Variants in AKT3 observed in about 807,000 individuals in gnomAD.
AKT3 encodes RAC-gamma serine/threonine-protein kinase.
AKT3 carries 15 observed loss-of-function variants against 65.3 expected under a neutral mutation model. The ratio of observed to expected loss-of-function variants is 0.23; its 90% CI spans 0.15 to 0.35. AKT3 has a LOEUF of 0.35. Ranked by LOEUF, AKT3 falls within the 10% of genes least tolerant of loss-of-function variation. The pLI is 1.00. For missense variants in AKT3, 243 were observed against 576.5 expected (o/e 0.42, Z 5.92); for synonymous variants, 206 against 183.8 (o/e 1.12, Z -0.98).
intron 12 of AKT3, among the ~76,000 whole-genome samples, chr1:243,525,106 C>T (rs1245929762): frequency 2.6e-5 from 4 of 152,142 alleles, no homozygotes. Flanking sequence ...CCTAAAATCT[C>T]AGTATAAAGT....
At chr1:243,563,978 T>A (rs1468285454) in intron 9 of AKT3, 130 bp from the exon 10 acceptor site, 1 of 749,718 alleles carries the variant, frequency 1.3e-6, no homozygotes, top group Non-Finnish European at 2.0e-6. Context: ...AATAGAACGC[T>A]CAGTACTTAC....
chr1:243,833,019 G>A lies in AKT3; in HGVS notation c.46+10106C>T, dbSNP rs1428420386. 2.0e-5 allele frequency among the ~76,000 whole-genome samples: 3 copies of A among 152,086 alleles called. No individual in the cohort carries two copies. The East Asian group carries it at 5.8e-4, about 29-fold the overall frequency. On this transcript the variant is annotated intron_variant, in intron 2 of 13. Transcript: ENST00000673466. ...TCACACCTGTAAATCCAGCACTTTG[G>A]GAGGCTGAGATGGCTGGATCACCTG...
At chr1:243,568,804 T>C (rs191475614) in intron 9 of AKT3, among the ~76,000 whole-genome samples, 1 of 152,326 alleles carries the variant, frequency 6.6e-6, no homozygotes, top group East Asian at 1.9e-4. Context: ...CTCACTGGCC[T>C]GGAAGCTTCT....
intron 2 of AKT3, among the ~76,000 whole-genome samples, chr1:243,713,146 G>A (rs1026320814): frequency 6.6e-6 from 1 of 152,140 alleles, no homozygotes; most frequent in Non-Finnish European, 1.5e-5. Context: ...GTGTTAAAAC[G>A]TTCATGTATG....
At position 243,762,864 on chromosome 1, in the gene AKT3, T is replaced by A. The variant is rs1164630451; in HGVS notation, c.47-67148A>T. ...TCTGATATCTGTCATTTACTTACTT[T>A]ATGACATAAAGACAGACTTATCTGA... On this transcript the variant is annotated intron_variant, in intron 2 of 13. Transcript: ENST00000673466. 2.0e-5 allele frequency among the ~76,000 whole-genome samples: 3 copies of A among 152,178 alleles called. No homozygotes were observed. In the East Asian group the frequency reaches 5.8e-4, roughly 29 times the overall value.
At chr1:243,525,674 A>C (rs1239558105) in intron 12 of AKT3, among the ~76,000 whole-genome samples, 4 of 142,210 alleles carry the variant, frequency 2.8e-5, no homozygotes, top group Non-Finnish European at 6.0e-5. Context: ...TAAACTTGAT[A>C]TACCAGCAGA....
intron 1 of AKT3, among the ~76,000 whole-genome samples, chr1:243,848,231 TGTAAACTTTCAAGTACTATCTCCTTG>T (rs1433826835): frequency 6.6e-6 from 1 of 152,158 alleles, no homozygotes; most frequent in African/African-American, 2.4e-5. Context: ...ACCATCTCCC[TGTAAACTTTCAAGTACTATCTCCTTG>T]GTAAACTTTC....
At chr1:243,533,448 G>C (rs115189478) in intron 12 of AKT3, among the ~76,000 whole-genome samples, 1 of 152,142 alleles carries the variant, frequency 6.6e-6, no homozygotes, top group Non-Finnish European at 1.5e-5. Context: ...CAAGAGCAAA[G>C]TACCTATGGC....
intron 6 of AKT3, among the ~76,000 whole-genome samples, chr1:243,630,706 C>A (rs916598270): frequency 6.6e-6 from 1 of 152,078 alleles, no homozygotes; most frequent in Non-Finnish European, 1.5e-5. Context: ...AGCTGACATC[C>A]ATCAACTATA....
intron 2 of AKT3, among the ~76,000 whole-genome samples, chr1:243,761,383 A>G (rs574737236): frequency 3.3e-5 from 5 of 152,318 alleles, no homozygotes; most frequent in African/African-American, 1.2e-4. Context: ...TTCAGTGAGT[A>G]AAAGAAAATA....
At chr1:243,701,665 C>CA (rs74162707) in intron 2 of AKT3, among the ~76,000 whole-genome samples, 33,147 of 124,884 alleles carry the variant, frequency 0.27, 4,911 homozygotes, top group African/African-American at 0.38. Flanking sequence ...AGAAAAAATG[C>CA]AAAAAAAAAA....
chr1:243,609,712 A>T (rs1019133709), intron 8 of AKT3, among the ~76,000 whole-genome samples: 1 of 152,196 alleles, frequency 6.6e-6, no homozygotes, highest in South Asian at 2.1e-4. Flanking sequence ...CCCAATCCAA[A>T]ACAGAAATTC....
chr1:243,582,562 G>C (rs1675458454), intron 8 of AKT3, among the ~76,000 whole-genome samples: 1 of 151,588 alleles, frequency 6.6e-6, no homozygotes, highest in Admixed American at 6.6e-5. Context: ...AAGCACAAAG[G>C]AATTTGTTAC....
chr1:243,813,060 G>A (rs547640749), intron 2 of AKT3, among the ~76,000 whole-genome samples: 5 of 151,454 alleles, frequency 3.3e-5, no homozygotes, highest in African/African-American at 1.2e-4. Context: ...GATAGCATTA[G>A]GAGATATATC....
chr1:243,702,131 G>C (rs914199688), intron 2 of AKT3, among the ~76,000 whole-genome samples: 1 of 145,356 alleles, frequency 6.9e-6, no homozygotes, highest in Non-Finnish European at 1.5e-5. Context: ...AAAAAAAGCT[G>C]GCCATACTGT....
intron 2 of AKT3, among the ~76,000 whole-genome samples, chr1:243,742,312 C>T (rs1174714677): frequency 1.3e-5 from 2 of 152,056 alleles, no homozygotes; most frequent in Admixed American, 6.6e-5. Flanking sequence ...TAAAAAGAAT[C>T]GGATTTTATG....
intron 2 of AKT3, among the ~76,000 whole-genome samples, chr1:243,837,956 C>G (rs9428982): frequency 1.3e-5 from 2 of 152,102 alleles, no homozygotes; most frequent in Non-Finnish European, 2.9e-5. Flanking sequence ...TGTGGATGTT[C>G]GCAGATAACT....
chr1:243,498,079 C>T (rs974794574), downstream of AKT3, among the ~76,000 whole-genome samples: 5 of 152,186 alleles, frequency 3.3e-5, no homozygotes. Context: ...GTGTCAAGAG[C>T]GAGGCCACCA....
downstream of AKT3, among the ~76,000 whole-genome samples, chr1:243,498,735 G>T (rs544406857): frequency 1.3e-5 from 2 of 152,326 alleles, no homozygotes; most frequent in South Asian, 4.1e-4. Flanking sequence ...TGTTAATGAT[G>T]GCTTAAATTA....
Sources: allele counts gnomAD v4.1 joint callset (sites outside exome capture counted in the v4.1 genomes callset), GRCh38; gene constraint gnomAD v4.1.1; transcripts MANE v1.5; gene names NCBI Gene and HGNC (gene_info 2026-07-23, HGNC 2026-07-21).